Variants in AZIN2 observed in about 807,000 individuals in gnomAD.
AZIN2 encodes ODC antizyme inhibitor-2.
A neutral mutation model predicts 47.8 loss-of-function variants in AZIN2; 28 were observed. That is an observed-to-expected ratio of 0.59 (90% confidence interval 0.43 to 0.80). The LOEUF (loss-of-function observed/expected upper bound fraction) is 0.80, where lower values mean the gene tolerates loss of function less well. Ranked by LOEUF, AZIN2 falls within the 30% of genes least tolerant of loss-of-function variation. AZIN2 has a pLI of 0.00. For synonymous variants in AZIN2, 221 were observed against 239.4 expected, an observed-to-expected ratio of 0.92 and a Z score of 0.71; for missense variants, 535 against 582.5, an observed-to-expected ratio of 0.92 and a Z score of 0.84.
chr1:33,094,799 C>T (rs574568447), intron 8 of AZIN2, 86 bp downstream of exon 8: 459 of 1,455,162 alleles, frequency 3.2e-4, no homozygotes, highest in Non-Finnish European at 4.1e-4. Flanking sequence ...GACCACCGTG[C>T]GTGGGTCCTA....
At chr1:33,111,064 C>A (rs1644264566) in intron 10 of AZIN2, among the ~76,000 whole-genome samples, 1 of 152,224 alleles carries the variant, frequency 6.6e-6, no homozygotes, top group East Asian at 1.9e-4. Context: ...ACAATCCATG[C>A]AGCACAGAAG....
the AZIN2 span, among the ~76,000 whole-genome samples, chr1:33,139,236 T>C: frequency 6.6e-6 from 1 of 152,206 alleles, no homozygotes; most frequent in East Asian, 2.0e-4. Context: ...CTCTGGGGGC[T>C]CAGCATCATC....
rs371251319 is a variant in AZIN2 at position 33,120,179 on chromosome 1, G to T, written c.1380G>T (p.Met460Ile). The change falls in exon 12 of 12, where the codon ATG becomes ATT. Residue 460 changes from methionine to isoleucine, a missense_variant. By Grantham distance (10) the Met-to-Ile change is conservative. Around this residue, in one of 3 missense-constraint regions of AZIN2, gnomAD observed 122 missense variants for 135.8 expected, o/e 0.90. Transcript: ENST00000294517. ...CTGTCTTCACCCCAGCGAGCATCATGTGAGTGGGCCTCGTTCCCCCCGGAG... is the reference window on the plus strand; with the variant it reads ...CTGTCTTCACCCCAGCGAGCATCATTTGAGTGGGCCTCGTTCCCCCCGGAG... ...VGPVFTPASIM is the reference protein window; with the variant it reads ...VGPVFTPASII The T allele has an allele frequency of 3.1e-5, 49 of 1,604,002 alleles. No individual in the cohort carries two copies. The highest frequency in any genetic ancestry group is 3.5e-5 in the Non-Finnish European group (41 of 1,172,116).
At position 33,121,591 on chromosome 1, in the gene AZIN2, A is replaced by G. The variant is rs868759365; in HGVS notation, c.*1409A>G. 2.0e-5 allele frequency among the ~76,000 whole-genome samples: 3 copies of G among 152,202 alleles called. No individual in the cohort carries two copies. Among genetic ancestry groups the G allele is most frequent in the African/African-American group, 7.2e-5 (3 of 41,438 alleles). On this transcript the variant is annotated 3_prime_UTR_variant, in exon 12 of 12. Transcript: ENST00000294517. Reference sequence around the variant, plus strand: ...AGACCCTGCCTCAAATAAAGAAATAAATAAATAAAGTGGAGAAGTTAGTGG... The same window carrying G: ...AGACCCTGCCTCAAATAAAGAAATAGATAAATAAAGTGGAGAAGTTAGTGG...
intron 11 of AZIN2, chr1:33,118,985 G>A (rs1644693428): frequency 6.6e-6 from 1 of 152,408 alleles, no homozygotes; most frequent in Admixed American, 6.5e-5. Flanking sequence ...CAGTGGTGAA[G>A]GGTCCCTCTT....
chr1:33,087,970 G>A (rs982270687), intron 5 of AZIN2, among the ~76,000 whole-genome samples: 3 of 152,004 alleles, frequency 2.0e-5, no homozygotes, highest in Admixed American at 2.0e-4. Flanking sequence ...CCTTGGAAAC[G>A]TTCTCCATCC....
chr1:33,134,676 C>T, the AZIN2 span, among the ~76,000 whole-genome samples: 3 of 152,208 alleles, frequency 2.0e-5, no homozygotes, highest in East Asian at 3.9e-4. Context: ...GCATGGGAGA[C>T]TGCAGGAATT....
chr1:33,118,130 G>T lies in AZIN2; in HGVS notation c.1244+14G>T, dbSNP rs754543952. 6.6e-7 allele frequency: 1 copy of T among 1,506,362 alleles called. No homozygotes were observed. Among genetic ancestry groups the T allele is most frequent in the Non-Finnish European group, 8.8e-7 (1 of 1,130,290 alleles). 93.3% of individuals were successfully genotyped at this position (1,506,362 alleles called of 1,614,324 possible). On this transcript the variant is annotated intron_variant, in intron 11 of 11. Transcript: ENST00000294517. The stretch of plus-strand genomic sequence containing the variant: ...CCGGGTGGCCTGGTAAGAGGGCCCT[G>T]CTGGAAAATGGGGGTATGGGGAGGA...
Position 33,082,302 on chromosome 1 carries a change from G to A in AZIN2, c.53G>A (p.Ser18Asn). Residue 18 changes from serine to asparagine, a missense_variant, in exon 4 of 12, where the codon AGT becomes AAT. By Grantham distance (46) the Ser-to-Asn change is conservative (BLOSUM62 1). Transcript: ENST00000294517. ...SDFVMVEEGF[S>N]TRDLLKELTL... The stretch of plus-strand genomic sequence containing the variant: ...TTTGTGATGGTGGAGGAGGGCTTCA[G>A]TACCCGAGACCTGCTGAAGGAACTC... The A allele has an allele frequency of 4.3e-6, 7 of 1,614,134 alleles. No homozygotes were observed. Among genetic ancestry groups the A allele is most frequent in the Non-Finnish European group, 5.9e-6 (7 of 1,180,000 alleles).
chr1:33,161,578 C>T, the AZIN2 span, among the ~76,000 whole-genome samples: 1 of 152,076 alleles, frequency 6.6e-6, no homozygotes, highest in South Asian at 2.1e-4. This position sits in a 1 kb window ranked among gnomAD's most constrained non-coding sequence, Gnocchi z 4.3. Flanking sequence ...ACCCAGAACG[C>T]CAGGCAGACA....
Position 33,082,314 on chromosome 1 carries a change from TG to T in AZIN2, c.66del (p.Leu23Ter). On this transcript the variant is annotated frameshift_variant, in exon 4 of 12. Coordinates refer to ENST00000294517, the MANE Select transcript of AZIN2 (RefSeq NM_052998.4). LOFTEE classifies it high-confidence loss of function. ...MVEEGFSTRD[L>X]LKELTLGASQ... ...GAGGAGGGCTTCAGTACCCGAGACC[TG>T]CTGAAGGAACTCACTCTGGGGGCCT... 7 of 1,614,020 alleles carry T rather than the reference TG, an allele frequency of 4.3e-6. No homozygotes were observed. Among genetic ancestry groups the T allele is most frequent in the Non-Finnish European group, 5.9e-6 (7 of 1,179,972 alleles).
the AZIN2 span, among the ~76,000 whole-genome samples, chr1:33,160,283 G>A: frequency 6.6e-6 from 1 of 152,114 alleles, no homozygotes; most frequent in African/African-American, 2.4e-5. Context: ...AAAGGAGCTG[G>A]GGATAATGCC....
intron 5 of AZIN2, 90 bp from the exon 6 acceptor site, chr1:33,091,960 G>C: frequency 7.1e-7 from 1 of 1,414,276 alleles, no homozygotes; most frequent in Non-Finnish European, 9.7e-7. Context: ...CCTATGCATA[G>C]CTATGACTTT....
intron 10 of AZIN2, among the ~76,000 whole-genome samples, chr1:33,110,470 T>C (rs532315501): frequency 6.6e-6 from 1 of 152,276 alleles, no homozygotes; most frequent in African/African-American, 2.4e-5. Context: ...CTAACATTCT[T>C]TTACAATGTT....
chr1:33,094,832 G>A (rs934189853), intron 8 of AZIN2, 119 bp downstream of exon 8: 17 of 1,064,604 alleles, frequency 1.6e-5, no homozygotes, highest in East Asian at 2.5e-5. Flanking sequence ...AGTGCTTGGT[G>A]CTTACCTGGG....
intron 10 of AZIN2, among the ~76,000 whole-genome samples, chr1:33,107,811 TGAA>T (rs1257204147): frequency 1.3e-5 from 2 of 151,856 alleles, no homozygotes; most frequent in African/African-American, 2.4e-5. Context: ...AAAACATTGA[TGAA>T]GGAGATAAAA....
At chr1:33,160,206 G>A in the AZIN2 span, among the ~76,000 whole-genome samples, 3 of 152,048 alleles carry the variant, frequency 2.0e-5, no homozygotes, top group Non-Finnish European at 2.9e-5. Flanking sequence ...TGAGGAACAC[G>A]GTTTGAGAAA....
chr1:33,116,398 G>C (rs1407046889), intron 10 of AZIN2, among the ~76,000 whole-genome samples: 3 of 152,036 alleles, frequency 2.0e-5, no homozygotes, highest in African/African-American at 7.2e-5. Flanking sequence ...GTATTGAAAC[G>C]CCTTTCCTTT....
intron 4 of AZIN2, chr1:33,082,555 C>T: frequency 2.0e-6 from 1 of 503,718 alleles, no homozygotes; most frequent in South Asian, 2.4e-5. Flanking sequence ...CCTTTTTACC[C>T]AGCCCTCCAA....
Sources: allele counts gnomAD v4.1 joint callset (sites outside exome capture counted in the v4.1 genomes callset), GRCh38; gene constraint gnomAD v4.1.1; regional missense constraint gnomAD v4.1.1; non-coding constraint Gnocchi (gnomAD v3.1); transcripts MANE v1.5; gene names NCBI Gene and HGNC (gene_info 2026-07-23, HGNC 2026-07-21).